Variants in HS6ST2 observed in about 807,000 individuals in gnomAD.
HS6ST2 encodes heparan-sulfate 6-O-sulfotransferase 2.
HS6ST2 carries 17 observed loss-of-function variants against 33.0 expected under a neutral mutation model. The ratio of observed to expected loss-of-function variants is 0.52; its 90% confidence interval spans 0.35 to 0.77. The LOEUF is 0.77. Ranked by LOEUF, HS6ST2 falls within the 30% of genes least tolerant of loss-of-function variation. HS6ST2 has a pLI of 0.01. For missense variants in HS6ST2, 519 were observed against 551.7 expected, an observed-to-expected ratio of 0.94 and a Z score of 0.59; for synonymous variants, 248 against 237.1, an observed-to-expected ratio of 1.05 and a Z score of -0.42.
At chrX:132,669,328 C>G (rs1184458926) in intron 3 of HS6ST2, 129 bp from the exon 4 acceptor site, 3 of 242,409 alleles carry the variant, frequency 1.2e-5, no homozygotes, top group Admixed American at 7.5e-5. Context: ...TGGCCAATCT[C>G]TCTCTCTCTC....
intron 4 of HS6ST2, among the ~76,000 whole-genome samples, chrX:132,663,884 A>G (rs960522229): frequency 2.7e-5 from 3 of 112,803 alleles, no homozygotes; most frequent in African/African-American, 9.7e-5. Context: ...AGGAAAAAAC[A>G]TAATCACGAT....
chrX:132,786,509 T>C (rs1281375951), intron 2 of HS6ST2, among the ~76,000 whole-genome samples: 1 of 111,936 alleles, frequency 8.9e-6, no homozygotes, highest in African/African-American at 3.3e-5. Flanking sequence ...AACTGGCAAT[T>C]ACCTTTGCAC....
chrX:132,660,695 G>A (rs1406450994), intron 4 of HS6ST2, among the ~76,000 whole-genome samples: 4 of 111,499 alleles, frequency 3.6e-5, no homozygotes, highest in Admixed American at 9.5e-5. Context: ...TTCGGAGGAC[G>A]CTTCCATTGT....
intron 2 of HS6ST2, among the ~76,000 whole-genome samples, chrX:132,925,645 A>AT (rs1445906702): frequency 1.8e-5 from 2 of 111,550 alleles, no homozygotes; most frequent in African/African-American, 6.5e-5. Flanking sequence ...GAACTGTTTG[A>AT]TTTTTTTGTT....
At chrX:132,906,376 A>C in intron 2 of HS6ST2, among the ~76,000 whole-genome samples, 1 of 112,681 alleles carries the variant, frequency 8.9e-6, no homozygotes, top group East Asian at 2.8e-4. Flanking sequence ...AAACATTGTT[A>C]ATTCTAAACA....
At chrX:132,639,798 T>C (rs1163328752) in intron 4 of HS6ST2, among the ~76,000 whole-genome samples, 3 of 110,873 alleles carry the variant, frequency 2.7e-5, no homozygotes. Context: ...TGGGAGGAGG[T>C]TGGGGAAATT....
At chrX:132,889,358 A>C (rs2066283733) in intron 2 of HS6ST2, among the ~76,000 whole-genome samples, 1 of 111,470 alleles carries the variant, frequency 9.0e-6, no homozygotes. Context: ...ATTATGAGTC[A>C]TCTGTTGAAA....
At chrX:132,866,076 A>T (rs1476370387) in intron 2 of HS6ST2, among the ~76,000 whole-genome samples, 6 of 110,449 alleles carry the variant, frequency 5.4e-5, no homozygotes, top group Admixed American at 1.9e-4. Flanking sequence ...CTGAATGGTA[A>T]TGCCTAGGTT....
chrX:132,634,150 T>A (rs2063537787), intron 4 of HS6ST2, among the ~76,000 whole-genome samples: 1 of 112,191 alleles, frequency 8.9e-6, no homozygotes, highest in African/African-American at 3.2e-5. Context: ...TCTGATTATA[T>A]CCCCCAATAT....
intron 3 of HS6ST2, among the ~76,000 whole-genome samples, chrX:132,675,457 A>G (rs1180600849): frequency 1.8e-5 from 2 of 111,884 alleles, no homozygotes. Context: ...AGTTATGTAG[A>G]GATTAATGCT....
chrX:132,669,250 A>G (rs2063838412), intron 3 of HS6ST2, 51 bp from the exon 4 acceptor site: 1 of 1,071,369 alleles, frequency 9.3e-7, no homozygotes, highest in African/African-American at 1.9e-5. Context: ...GACCACAGAG[A>G]CAAAAAGCAA....
At chrX:132,864,848 G>A (rs1480542036) in intron 2 of HS6ST2, among the ~76,000 whole-genome samples, 1 of 111,224 alleles carries the variant, frequency 9.0e-6, no homozygotes, top group Non-Finnish European at 1.9e-5. Flanking sequence ...AATGTTAAGG[G>A]CAGCCAGAAA....
rs1356386593 is a variant in HS6ST2 at position 132,627,713 on chromosome X, T to C, written c.*510A>G. ...CGGTAAGATTCACCATCAGTTGTTA[T>C]TCTATTTAAATAGATTCCTTGTTAA... On this transcript the variant is annotated 3_prime_UTR_variant, in exon 5 of 5. Transcript: ENST00000370833. 8.9e-6 allele frequency: 1 copy of C among 112,292 alleles called. No individual in the cohort carries two copies. The highest frequency in any genetic ancestry group is 3.2e-5 in the African/African-American group (1 of 30,897). 9.3% of individuals were successfully genotyped at this position (112,292 alleles called of 1,213,427 possible).
chrX:132,803,420 ATTAT>A (rs1323965763), intron 2 of HS6ST2, among the ~76,000 whole-genome samples: 1 of 110,888 alleles, frequency 9.0e-6, no homozygotes, highest in Non-Finnish European at 1.9e-5. Flanking sequence ...ATTTTATTTT[ATTAT>A]TTGAGTCAGA....
At chrX:132,829,517 T>C (rs2075585751) in intron 2 of HS6ST2, among the ~76,000 whole-genome samples, 1 of 109,896 alleles carries the variant, frequency 9.1e-6, no homozygotes, top group Admixed American at 9.9e-5. Flanking sequence ...GTTTATTGTA[T>C]GTAAATTATA....
At chrX:132,776,402 A>G (rs192077376) in intron 2 of HS6ST2, among the ~76,000 whole-genome samples, 200 of 112,227 alleles carry the variant, frequency 1.8e-3, no homozygotes, top group African/African-American at 6.2e-3. Context: ...ATCACAGGCA[A>G]AAAGAAGAAA....
intron 2 of HS6ST2, among the ~76,000 whole-genome samples, chrX:132,723,504 T>C (rs2064357753): frequency 8.9e-6 from 1 of 112,153 alleles, no homozygotes; most frequent in African/African-American, 3.2e-5. Context: ...CTGTGGATGC[T>C]AGAATGGTTC....
At chrX:132,898,028 G>A (rs775833763) in intron 2 of HS6ST2, among the ~76,000 whole-genome samples, 26 of 110,741 alleles carry the variant, frequency 2.3e-4, no homozygotes, top group Non-Finnish European at 3.8e-4. Context: ...CCTGAGCTCC[G>A]CCTCCTGTCA....
At chrX:132,741,200 G>A (rs1187728674) in intron 2 of HS6ST2, among the ~76,000 whole-genome samples, 2 of 111,825 alleles carry the variant, frequency 1.8e-5, no homozygotes, top group East Asian at 5.6e-4. Flanking sequence ...CAGTTCCTGG[G>A]AGCAGAGAAT....
Sources: gnomAD v4.1 joint callset for allele counts (sites outside exome capture counted in the v4.1 genomes callset) on GRCh38, gnomAD v4.1.1 for gene constraint, MANE v1.5 for transcripts, NCBI Gene and HGNC (gene_info 2026-07-23, HGNC 2026-07-21) for gene names.